Variants in ATP9A observed in about 807,000 individuals in gnomAD.
The protein encoded by ATP9A is probable phospholipid-transporting ATPase IIA.
In ATP9A, 52 loss-of-function variants were observed where a neutral mutation model predicts 144.1. The observed-to-expected ratio is 0.36, with a 90% CI of 0.29 to 0.45. The LOEUF (loss-of-function observed/expected upper bound fraction) is 0.45. Among genes scored for constraint, ATP9A ranks in the 20% least tolerant of loss-of-function variants. The pLI is 1.00. For missense variants in ATP9A, 947 were observed against 1,392.7 expected (o/e 0.68, Z 5.09); for synonymous variants, 582 against 557.4 (o/e 1.04, Z -0.62).
At chr20:51,686,324 C>A (rs1220443690) in intron 9 of ATP9A, among the ~76,000 whole-genome samples, 2 of 150,834 alleles carry the variant, frequency 1.3e-5, no homozygotes, top group Admixed American at 6.6e-5. Flanking sequence ...TGTAACAAAC[C>A]TGCACGTTGT....
intron 26 of ATP9A, among the ~76,000 whole-genome samples, chr20:51,606,502 G>A (rs181555374): frequency 6.0e-4 from 91 of 152,308 alleles, no homozygotes; most frequent in African/African-American, 7.5e-4. Context: ...TTTGAGATCA[G>A]CCTGCACAAC....
At chr20:51,701,217 T>G (rs1470778520) in intron 4 of ATP9A, among the ~76,000 whole-genome samples, 3 of 152,198 alleles carry the variant, frequency 2.0e-5, no homozygotes. Context: ...TAGAAGAGCA[T>G]GTGTTTTCAT....
intron 7 of ATP9A, among the ~76,000 whole-genome samples, chr20:51,693,424 T>C (rs2077556760): frequency 6.6e-6 from 1 of 152,018 alleles, no homozygotes; most frequent in Admixed American, 6.5e-5. Flanking sequence ...TCGGAGCCTC[T>C]GCAGAGAGAC....
intron 5 of ATP9A, 74 bp from the exon 6 acceptor site, chr20:51,696,218 C>A: frequency 7.1e-7 from 1 of 1,404,562 alleles, no homozygotes; most frequent in Non-Finnish European, 1.0e-6. Context: ...GGGGCTTCCG[C>A]CCCCACCCCC....
rs1367348962 is a variant in ATP9A at position 51,729,369 on chromosome 20, G to A, written c.213+465C>T. ...ACCTCCAACCCCGCCACTACCCAGT[G>A]CTGAACCCAGGGAAGATGAACAACC... On this transcript the variant is annotated intron_variant, in intron 2 of 27. Coordinates refer to ENST00000338821, the MANE Select transcript of ATP9A (RefSeq NM_006045.3). 2.0e-5 allele frequency among the ~76,000 whole-genome samples: 3 copies of A among 149,320 alleles called. No individual in the cohort carries two copies. The Admixed American group carries it at 2.0e-4, about 10-fold the overall frequency.
chr20:51,675,108 G>A (rs1171300920), intron 10 of ATP9A, among the ~76,000 whole-genome samples: 3 of 151,958 alleles, frequency 2.0e-5, no homozygotes, highest in Admixed American at 6.6e-5. Context: ...CACCGTGCCC[G>A]GCCCTGGACA....
At chr20:51,661,526 CTT>C (rs533280164) in intron 13 of ATP9A, among the ~76,000 whole-genome samples, 2 of 108,734 alleles carry the variant, frequency 1.8e-5, no homozygotes, top group Admixed American at 9.7e-5. Context: ...CCATGCCCAG[CTT>C]TTTTTTTTTT....
rs138215508 is a variant in ATP9A at position 51,628,899 on chromosome 20, G to A, written c.1761+81C>T. ...TACACAGCCACCGATAACAAATACA[G>A]AGACCCACCTTACCATGCAAGGGGC... On this transcript the variant is annotated intron_variant, in intron 16 of 27. Coordinates refer to ENST00000338821, the MANE Select transcript of ATP9A (RefSeq NM_006045.3). 215 of 1,221,286 alleles carry A rather than the reference G, an allele frequency of 1.8e-4. 2 individuals carry two copies. Among genetic ancestry groups the A allele is most frequent in the Non-Finnish European group, 2.3e-4 (194 of 836,380 alleles). 75.7% of individuals were successfully genotyped at this position (1,221,286 alleles called of 1,614,324 possible).
intron 17 of ATP9A, 21 bp from the exon 18 acceptor site, chr20:51,625,383 C>G: frequency 6.2e-7 from 1 of 1,605,976 alleles, no homozygotes; most frequent in Non-Finnish European, 8.5e-7. Context: ...CCAGCAGATG[C>G]AGTCACTGCT....
At chr20:51,651,543 AGGTGGC>A (rs2077366818) in intron 14 of ATP9A, among the ~76,000 whole-genome samples, 2 of 151,908 alleles carry the variant, frequency 1.3e-5, no homozygotes, top group Admixed American at 6.6e-5. Context: ...AGTTATCGCC[AGGTGGC>A]AAGAATCACA....
At chr20:51,676,666 A>T (rs1195086020) in intron 9 of ATP9A, among the ~76,000 whole-genome samples, 1 of 152,162 alleles carries the variant, frequency 6.6e-6, no homozygotes, top group African/African-American at 2.4e-5. Flanking sequence ...TTTAGTAGAT[A>T]CGGGGTTTCA....
rs971323909 is a variant in ATP9A at position 51,674,096 on chromosome 20, A to G, written c.1037+57T>C. 3.1e-5 allele frequency: 48 copies of G among 1,534,672 alleles called. No individual in the cohort carries two copies. The East Asian group carries it at 1.1e-3, about 35-fold the overall frequency. ...AAAGCCACAGAACCATCATCTTTGA[A>G]TGAGTAAAGAGAAGAAGATGTCACG... On this transcript the variant is annotated intron_variant, in intron 11 of 27. Coordinates refer to ENST00000338821, the MANE Select transcript of ATP9A (RefSeq NM_006045.3).
intron 1 of ATP9A, among the ~76,000 whole-genome samples, chr20:51,738,523 G>A (rs1037996812): frequency 2.0e-5 from 3 of 150,544 alleles, no homozygotes; most frequent in Admixed American, 6.6e-5. Context: ...TGCCAACGTG[G>A]TGAAACCCTG....
chr20:51,674,438 G>A, intron 10 of ATP9A, 125 bp from the exon 11 acceptor site: 2 of 933,726 alleles, frequency 2.1e-6, no homozygotes, highest in East Asian at 2.5e-5. Flanking sequence ...CCGGAGAGCT[G>A]GTCCTTCCCC....
At chr20:51,737,313 G>A (rs1431031549) in intron 1 of ATP9A, among the ~76,000 whole-genome samples, 2 of 152,124 alleles carry the variant, frequency 1.3e-5, no homozygotes, top group East Asian at 1.9e-4. Flanking sequence ...CTCTTGCCCC[G>A]TACCCATTCA....
chr20:51,747,381 A>G (rs887346443), intron 1 of ATP9A, among the ~76,000 whole-genome samples: 1 of 152,172 alleles, frequency 6.6e-6, no homozygotes, highest in African/African-American at 2.4e-5. Flanking sequence ...GGATGTTCAC[A>G]GCGGCAATAG....
At chr20:51,655,523 G>A (rs911939632) in intron 14 of ATP9A, among the ~76,000 whole-genome samples, 6 of 152,052 alleles carry the variant, frequency 3.9e-5, no homozygotes, top group Admixed American at 2.0e-4. Flanking sequence ...ATAAGCATAC[G>A]AAAAGACGCT....
chr20:51,696,964 T>C (rs1050525009), intron 5 of ATP9A, among the ~76,000 whole-genome samples: 18 of 152,324 alleles, frequency 1.2e-4, no homozygotes, highest in African/African-American at 4.1e-4. Flanking sequence ...TTTTGGTCTT[T>C]TTACTGTTCT....
intron 1 of ATP9A, among the ~76,000 whole-genome samples, chr20:51,752,980 T>C (rs1053023727): frequency 1.3e-5 from 2 of 152,036 alleles, no homozygotes; most frequent in African/African-American, 4.8e-5. Context: ...TGCACGCCTG[T>C]AATCCCAGCT....
Sources: gnomAD v4.1 joint callset for allele counts (sites outside exome capture counted in the v4.1 genomes callset) on GRCh38, gnomAD v4.1.1 for gene constraint, MANE v1.5 for transcripts, NCBI Gene and HGNC (gene_info 2026-07-23, HGNC 2026-07-21) for gene names.